IFFO2: variants seen among roughly 807,000 people sequenced by gnomAD.
IFFO2 encodes intermediate filament family orphan 2.
In IFFO2, 19 loss-of-function variants were observed where a neutral mutation model predicts 53.5. The ratio of observed to expected loss-of-function variants is 0.36; its 90% CI spans 0.25 to 0.52. IFFO2 has a LOEUF of 0.52. Ranked by LOEUF, IFFO2 falls within the 20% of genes least tolerant of loss-of-function variation. The pLI, the probability that IFFO2 is intolerant of heterozygous loss-of-function variation, is 0.94. For synonymous variants in IFFO2, 303 were observed against 313.6 expected (o/e 0.97, Z 0.36); for missense variants, 570 against 727.4 (o/e 0.78, Z 2.49).
In IFFO2 at chr1:18,928,985, G is replaced by T. The variant is rs1936337918; in HGVS notation, c.666-7864C>A. On this transcript the variant is annotated intron_variant, in intron 1 of 8. Coordinates refer to ENST00000455833, the MANE Select transcript of IFFO2 (RefSeq NM_001136265.2). The surrounding 1 kb of genome is among the most constrained non-coding windows in gnomAD (Gnocchi z 4.9). ...ACCCGCTGGGTGCCCTCTCCCAGAA[G>T]AAGCAGCAGCGTGGTGTGGGAGCAT... Among the ~76,000 whole-genome samples the T allele has an allele frequency of 6.6e-6, 1 of 152,230 alleles. No individual in the cohort carries two copies. The highest frequency in any genetic ancestry group is 2.4e-5 in the African/African-American group (1 of 41,466).
chr1:18,914,746 C>G (rs1936106302), intron 5 of IFFO2, among the ~76,000 whole-genome samples: 1 of 150,790 alleles, frequency 6.6e-6, no homozygotes, highest in Non-Finnish European at 1.5e-5. Context: ...TTGCTTGAAC[C>G]CAGGAGGTGG....
At chr1:18,941,610 G>A (rs1189788571) in intron 1 of IFFO2, among the ~76,000 whole-genome samples, 1 of 152,248 alleles carries the variant, frequency 6.6e-6, no homozygotes, top group Non-Finnish European at 1.5e-5. Context: ...GCTGCTGGGT[G>A]CAGGGCAGGG....
At chr1:18,912,111 C>T in intron 5 of IFFO2, 28 bp from the exon 6 acceptor site, 1 of 1,551,240 alleles carries the variant, frequency 6.4e-7, no homozygotes, top group African/African-American at 1.4e-5. Flanking sequence ...GAGGGCATGA[C>T]TGAACAGAAG....
Position 18,905,435 on chromosome 1 carries a change from A to C in IFFO2, c.*3126T>G, listed in dbSNP as rs1308297734. On this transcript the variant is annotated 3_prime_UTR_variant, in exon 9 of 9. Transcript: ENST00000455833. Reference sequence around the variant, plus strand: ...CCTTCCTTTCATAAAAATAGATGAGAGTCTCTTGCTTTATAAATAGATTAC... The same window carrying C: ...CCTTCCTTTCATAAAAATAGATGAGCGTCTCTTGCTTTATAAATAGATTAC... 1 of 151,930 alleles carries C rather than the reference A, an allele frequency of 6.6e-6. No homozygotes were observed. The highest frequency in any genetic ancestry group is 2.4e-5 in the African/African-American group (1 of 41,316). The allele number at this position is 151,930 out of a possible 1,614,324, so 9.4% of individuals were successfully genotyped here.
At chr1:18,914,252 A>G (rs1936098200) in intron 5 of IFFO2, among the ~76,000 whole-genome samples, 1 of 152,144 alleles carries the variant, frequency 6.6e-6, no homozygotes, top group Admixed American at 6.5e-5. Flanking sequence ...CTTGGATCTG[A>G]ATGCTCTTTC....
At chr1:18,955,546 C>T in intron 1 of IFFO2, 122 bp downstream of exon 1, 5 of 1,365,192 alleles carry the variant, frequency 3.7e-6, no homozygotes, top group Non-Finnish European at 4.8e-6. Flanking sequence ...TCTGCAAACA[C>T]AGCTTCCAGC....
At position 18,911,982 on chromosome 1, in the gene IFFO2, G is replaced by T; in HGVS notation, c.1205C>A (p.Thr402Asn). ...LWEDFTNCNPTIDLQGEQEEN... is the reference protein window; with the variant it reads ...LWEDFTNCNPNIDLQGEQEEN... ...GCTTACCTCGCCCTGCAGGTCGATG[G>T]TCGGATTGCAGTTGGTGAAATCCTC... Residue 402 changes from threonine (T) to asparagine (N), a missense_variant, in exon 6 of 9, where the codon ACC becomes AAC. Thr to Asn is a moderately conservative substitution (Grantham distance 65, BLOSUM62 0). Coordinates refer to ENST00000455833, the MANE Select transcript of IFFO2 (RefSeq NM_001136265.2). 1 of 1,551,712 alleles carries T rather than the reference G, an allele frequency of 6.4e-7. No homozygotes were observed. The highest frequency in any genetic ancestry group is 8.7e-7 in the Non-Finnish European group (1 of 1,147,006).
chr1:18,919,637 G>T lies in IFFO2; in HGVS notation c.822+41C>A, dbSNP rs1157163334. The T allele has an allele frequency of 3.1e-6, 4 of 1,305,588 alleles. No homozygotes were observed. Among genetic ancestry groups the T allele is most frequent in the Non-Finnish European group, 4.3e-6 (4 of 922,428 alleles). The allele number at this position is 1,305,588 out of a possible 1,614,324, so 80.9% of individuals were successfully genotyped here. The stretch of plus-strand genomic sequence containing the variant: ...ATGAAGCATTTTGCATGATGGGTGT[G>T]GGGGAGGTCATGACACCCAGGGGCG... On this transcript the variant is annotated intron_variant, in intron 3 of 8. Coordinates refer to ENST00000455833, the MANE Select transcript of IFFO2 (RefSeq NM_001136265.2). This position sits in a 1 kb window ranked among gnomAD's most constrained non-coding sequence, Gnocchi z 4.9.
rs950395212 is a variant in IFFO2 at position 18,956,359 on chromosome 1, G to A, written c.-27C>T. On this transcript the variant is annotated 5_prime_UTR_variant, in exon 1 of 9. Coordinates refer to ENST00000455833, the MANE Select transcript of IFFO2 (RefSeq NM_001136265.2). This position sits in a 1 kb window ranked among gnomAD's most constrained non-coding sequence, Gnocchi z 6.4. ...CGCCGGCTGCGCGGCTCAGGGCCCC[G>A]GGCCCGCGGCTCCAGGTGCGGCTCC... 6.0e-5 allele frequency: 14 copies of A among 235,110 alleles called. No homozygotes were observed. The highest frequency in any genetic ancestry group is 1.8e-4 in the Admixed American group (3 of 16,342). The allele number at this position is 235,110 out of a possible 1,614,324, so 14.6% of individuals were successfully genotyped here.
At chr1:18,922,844 G>A (rs1281826417) in intron 1 of IFFO2, among the ~76,000 whole-genome samples, 1 of 152,024 alleles carries the variant, frequency 6.6e-6, no homozygotes, top group African/African-American at 2.4e-5. Flanking sequence ...AGTATATCAG[G>A]AGCAAGGCTA....
In IFFO2 at chr1:18,917,515, G is replaced by A. The variant is rs892860247; in HGVS notation, c.964-473C>T. On this transcript the variant is annotated intron_variant, in intron 4 of 8. Transcript: ENST00000455833. The surrounding 1 kb of genome is among the most constrained non-coding windows in gnomAD (Gnocchi z 5.9). ...GAAAGCTTCCACTCCAAGCAGACAA[G>A]CCACGAGCAAACGAAGGCTGCGTTG... 6.6e-6 allele frequency among the ~76,000 whole-genome samples: 1 copy of A among 152,174 alleles called. No individual in the cohort carries two copies. Among genetic ancestry groups the A allele is most frequent in the African/African-American group, 2.4e-5 (1 of 41,442 alleles).
chr1:18,910,256 G>T, intron 8 of IFFO2, 86 bp downstream of exon 8: 1 of 1,454,110 alleles, frequency 6.9e-7, no homozygotes. Context: ...GACAGGTTGG[G>T]AGCATGACAC....
In IFFO2 at chr1:18,906,435, C is replaced by T. The variant is rs905046888; in HGVS notation, c.*2126G>A. 2 of 152,238 alleles carry T rather than the reference C, an allele frequency of 1.3e-5. No individual in the cohort carries two copies. The highest frequency in any genetic ancestry group is 2.4e-5 in the African/African-American group (1 of 41,456). 9.4% of individuals were successfully genotyped at this position (152,238 alleles called of 1,614,324 possible). ...ACCTTGGGGAACAACCCAGGGCCGG[C>T]TTCCACGCTGCCCACGAAACTCCCA... On this transcript the variant is annotated 3_prime_UTR_variant, in exon 9 of 9. Coordinates refer to ENST00000455833, the MANE Select transcript of IFFO2 (RefSeq NM_001136265.2).
chr1:18,916,872 C>T lies in IFFO2; in HGVS notation c.1103+31G>A, dbSNP rs964835351. 9.7e-6 allele frequency: 15 copies of T among 1,550,056 alleles called. 1 individual carries two copies. The highest frequency in any genetic ancestry group is 1.7e-4 in the Middle Eastern group (1 of 5,954). On this transcript the variant is annotated intron_variant, in intron 5 of 8. Coordinates refer to ENST00000455833, the MANE Select transcript of IFFO2 (RefSeq NM_001136265.2). The surrounding 1 kb of genome is among the most constrained non-coding windows in gnomAD (Gnocchi z 4.3). ...CCCCTGTGCAAGCAATCCGGGGAAA[C>T]GGAGAGTGTGCGGGCCACGGGGATA...
In IFFO2 at chr1:18,907,288, G is replaced by C. The variant is rs554879788; in HGVS notation, c.*1273C>G. On this transcript the variant is annotated 3_prime_UTR_variant, in exon 9 of 9. Coordinates refer to ENST00000455833, the MANE Select transcript of IFFO2 (RefSeq NM_001136265.2). Reference sequence around the variant, plus strand: ...CCCACTCAAGCCATTCAAGTCTTGGGGGATGCTGGCTCAGATCAATACCCC... The same window carrying C: ...CCCACTCAAGCCATTCAAGTCTTGGCGGATGCTGGCTCAGATCAATACCCC... The C allele has an allele frequency of 3.2e-4, 48 of 152,326 alleles. No individual in the cohort carries two copies. The highest frequency in any genetic ancestry group is 1.0e-3 in the African/African-American group (43 of 41,574). The allele number at this position is 152,326 out of a possible 1,614,324, so 9.4% of individuals were successfully genotyped here.
Position 18,912,058 on chromosome 1 carries a change from C to G in IFFO2, c.1129G>C (p.Asp377His). Residue 377 changes from aspartate (D) to histidine (H), a missense_variant, in exon 6 of 9, where the codon GAC (aspartate) becomes CAC (histidine). By Grantham distance (81) the Asp-to-His change is moderately conservative (BLOSUM62 -1). Transcript: ENST00000455833. ...QLRETFDFDD[D>H]CDSLTWEENE... ...TCTTCCCACGTCAGGCTGTCACAGTCGTCGTCAAAGTCAAAGGTCTCCCGC... is the reference window on the plus strand; with the variant it reads ...TCTTCCCACGTCAGGCTGTCACAGTGGTCGTCAAAGTCAAAGGTCTCCCGC... The G allele has an allele frequency of 6.4e-7, 1 of 1,551,690 alleles. No individual in the cohort carries two copies. The highest frequency in any genetic ancestry group is 8.7e-7 in the Non-Finnish European group (1 of 1,146,946).
intron 1 of IFFO2, among the ~76,000 whole-genome samples, chr1:18,925,595 G>A (rs1474856559): frequency 6.6e-6 from 1 of 152,248 alleles, no homozygotes; most frequent in African/African-American, 2.4e-5. Context: ...TGGTCTAGGT[G>A]GGAAAACAGG....
intron 1 of IFFO2, among the ~76,000 whole-genome samples, chr1:18,929,565 A>G (rs375656361): frequency 3.9e-5 from 6 of 152,126 alleles, no homozygotes; most frequent in Middle Eastern, 3.4e-3. Context: ...CCCACCTGAC[A>G]TTCCCCTCAC....
At position 18,947,148 on chromosome 1, in the gene IFFO2, CCAA is replaced by C. The variant is rs2148189976; in HGVS notation, c.665+8517_665+8519del. Among the ~76,000 whole-genome samples, 1 of 152,364 alleles carries C rather than the reference CCAA, an allele frequency of 6.6e-6. No homozygotes were observed. The highest frequency in any genetic ancestry group is 1.9e-4 in the East Asian group (1 of 5,186). ...TCCACACCCAGCAGTCTCATCTTCC[CCAA>C]CAAGAGGCACCAAACGATTGTAACA... On this transcript the variant is annotated intron_variant, in intron 1 of 8. Coordinates refer to ENST00000455833, the MANE Select transcript of IFFO2 (RefSeq NM_001136265.2). The surrounding 1 kb of genome is among the most constrained non-coding windows in gnomAD (Gnocchi z 5.0).
Sources: allele counts gnomAD v4.1 joint callset (sites outside exome capture counted in the v4.1 genomes callset), GRCh38; gene constraint gnomAD v4.1.1; non-coding constraint Gnocchi (gnomAD v3.1); transcripts MANE v1.5; gene names NCBI Gene and HGNC (gene_info 2026-07-23, HGNC 2026-07-21).